The following PRELID2 variants were observed in gnomAD, a reference collection of about 807,000 sequenced individuals.
PRELID2 encodes PRELI domain containing 2.
Under a neutral mutation model 28.4 loss-of-function variants are expected in PRELID2, and 25 were observed. The ratio of observed to expected loss-of-function variants is 0.88; its 90% CI spans 0.64 to 1.23. PRELID2 has a LOEUF of 1.23. Among genes scored for constraint, PRELID2 ranks in the 50% most tolerant of loss-of-function variants. PRELID2 has a pLI of 0.00. For missense variants in PRELID2, 201 were observed against 214.4 expected (o/e 0.94, Z 0.39); for synonymous variants, 76 against 71.6 (o/e 1.06, Z -0.31).
At chr5:145,288,699 G>A in the PRELID2 span, among the ~76,000 whole-genome samples, 1 of 152,024 alleles carries the variant, frequency 6.6e-6, no homozygotes, top group Admixed American at 6.6e-5. Context: ...ACATATGAAT[G>A]TACACATATC....
intron 1 of PRELID2, among the ~76,000 whole-genome samples, chr5:145,556,857 A>G (rs1752883858): frequency 1.3e-5 from 2 of 152,064 alleles, no homozygotes; most frequent in South Asian, 4.1e-4. Context: ...CTGTCTCCCT[A>G]TATGCCTAGG....
chr5:145,727,232 G>A (rs1476432010), intron 1 of PRELID2, among the ~76,000 whole-genome samples: 1 of 152,184 alleles, frequency 6.6e-6, no homozygotes, highest in Non-Finnish European at 1.5e-5. Flanking sequence ...CAAGGAGCCA[G>A]CAAGTCTAGA....
the PRELID2 span, among the ~76,000 whole-genome samples, chr5:145,260,548 T>C: frequency 6.6e-6 from 1 of 152,336 alleles, no homozygotes; most frequent in East Asian, 1.9e-4. Context: ...TTTTTTGTTT[T>C]GAGGATTTTC....
chr5:145,815,698 A>G (rs1754254342), intron 4 of PRELID2, among the ~76,000 whole-genome samples: 1 of 152,224 alleles, frequency 6.6e-6, no homozygotes, highest in African/African-American at 2.4e-5. Flanking sequence ...TTCATTTAGC[A>G]TATTTTCAAA....
Position 145,756,767 on chromosome 5 carries a change from C to T in PRELID2, c.*3769G>A, listed in dbSNP as rs1757269042. Among the ~76,000 whole-genome samples, 1 of 152,136 alleles carries T rather than the reference C, an allele frequency of 6.6e-6. No individual in the cohort carries two copies. Among genetic ancestry groups the T allele is most frequent in the Admixed American group, 6.6e-5 (1 of 15,266 alleles). ...CATTCAAATCCTCTCTACTCTTATT[C>T]AACATATAGTATGCAGTTACACAAT... On this transcript the variant is annotated 3_prime_UTR_variant, in exon 7 of 7. Transcript: ENST00000683046.
chr5:145,665,978 CTTTTTTTTAAAAAAAAAAAAAAA>C (rs1754582255), intron 1 of PRELID2, among the ~76,000 whole-genome samples: 1 of 121,196 alleles, frequency 8.3e-6, no homozygotes. Context: ...GCAAACTTGT[CTTTTTTTTAAAAAAAAAAAAAAA>C]AGAAAGAAAG....
At chr5:145,259,336 C>G in the PRELID2 span, among the ~76,000 whole-genome samples, 1 of 152,114 alleles carries the variant, frequency 6.6e-6, no homozygotes, top group Admixed American at 6.5e-5. Flanking sequence ...GTGGTAGATT[C>G]ACTGACAGTT....
chr5:145,237,619 G>C, the PRELID2 span, among the ~76,000 whole-genome samples: 1 of 152,038 alleles, frequency 6.6e-6, no homozygotes, highest in African/African-American at 2.4e-5. Context: ...GCCTTTCAAA[G>C]AAAGAAATAT....
chr5:145,797,001 A>G (rs1359698562), intron 4 of PRELID2, among the ~76,000 whole-genome samples: 1 of 152,196 alleles, frequency 6.6e-6, no homozygotes, highest in African/African-American at 2.4e-5. Context: ...AAAGAGAGTC[A>G]GATAGAGACA....
chr5:145,617,731 CT>C (rs71581832), intron 1 of PRELID2, among the ~76,000 whole-genome samples: 7,284 of 140,306 alleles, frequency 0.052, 494 homozygotes, highest in African/African-American at 0.16. Context: ...TCTTTTCTTT[CT>C]TTTTTTTTTT....
rs1554100811 is a variant in PRELID2, at chr5:145,824,463, T to TGA, written c.76-1331_76-1330dup. On this transcript the variant is annotated intron_variant, in intron 1 of 6. Transcript: ENST00000683046. ...GTGTGTGTGTGTGTGTGTGTGTGTGTGATATTGATTTATTAATGGATTTTT... is the reference window on the plus strand; with the variant it reads ...GTGTGTGTGTGTGTGTGTGTGTGTGTGAGATATTGATTTATTAATGGATTTTT... Among the ~76,000 whole-genome samples the TGA allele has an allele frequency of 6.4e-3, 922 of 143,642 alleles. 13 individuals carry two copies. Among genetic ancestry groups the TGA allele is most frequent in the Non-Finnish European group, 0.01 (670 of 65,612 alleles). 94.2% of individuals were successfully genotyped at this position (143,642 alleles called of 152,430 possible).
the PRELID2 span, among the ~76,000 whole-genome samples, chr5:145,304,485 T>C: frequency 6.6e-6 from 1 of 152,218 alleles, no homozygotes; most frequent in Non-Finnish European, 1.5e-5. Context: ...ACACTTCATT[T>C]CTGTTTATCT....
the PRELID2 span, among the ~76,000 whole-genome samples, chr5:145,344,392 G>A: frequency 6.6e-6 from 1 of 151,822 alleles, no homozygotes; most frequent in African/African-American, 2.4e-5. Context: ...ACAGAATGAA[G>A]GACAAAAACC....
chr5:145,420,696 C>T, the PRELID2 span, among the ~76,000 whole-genome samples: 2,873 of 48,732 alleles, frequency 0.059, no homozygotes, highest in Middle Eastern at 0.081. Context: ...AATTTGACTT[C>T]CTCTTTTCCT....
At chr5:145,346,809 T>A in the PRELID2 span, among the ~76,000 whole-genome samples, 2 of 152,126 alleles carry the variant, frequency 1.3e-5, no homozygotes, top group Non-Finnish European at 2.9e-5. Flanking sequence ...GACTTGCACT[T>A]CCTATGTGTG....
chr5:145,758,671 T>C lies in PRELID2; in HGVS notation c.*1865A>G, dbSNP rs1360750901. On this transcript the variant is annotated 3_prime_UTR_variant, in exon 7 of 7. Transcript: ENST00000683046. ...ACTTCCACAATAATTTGCATCACCT[T>C]TTATTTTTTGAAATAGGCTATTACT... Among the ~76,000 whole-genome samples the C allele has an allele frequency of 1.3e-5, 2 of 152,196 alleles. No homozygotes were observed. Among genetic ancestry groups the C allele is most frequent in the Non-Finnish European group, 2.9e-5 (2 of 68,046 alleles).
chr5:145,493,928 A>C (rs1179174863), intron 1 of PRELID2, among the ~76,000 whole-genome samples: 1 of 152,214 alleles, frequency 6.6e-6, no homozygotes, highest in Non-Finnish European at 1.5e-5. Context: ...AGATGCTTTC[A>C]TTGGAGTGTA....
At chr5:145,387,736 C>G in the PRELID2 span, among the ~76,000 whole-genome samples, 2 of 151,746 alleles carry the variant, frequency 1.3e-5, no homozygotes, top group East Asian at 1.9e-4. Flanking sequence ...ATTTCAGACC[C>G]ACCTGAGCAA....
At position 145,758,412 on chromosome 5, in the gene PRELID2, C is replaced by T. The variant is rs184147623; in HGVS notation, c.*2124G>A. On this transcript the variant is annotated 3_prime_UTR_variant, in exon 7 of 7. Coordinates refer to ENST00000683046, the MANE Select transcript of PRELID2 (RefSeq NM_205846.3). ...AGTCACTGTAGTGTTCTTAGCTGCC[C>T]ACTGGAACTACCAAAGGAGTTTTTT... Among the ~76,000 whole-genome samples, 412 of 152,072 alleles carry T rather than the reference C, an allele frequency of 2.7e-3. 3 individuals carry two copies. The highest frequency in any genetic ancestry group is 9.1e-3 in the African/African-American group (379 of 41,470).
Sources: gnomAD v4.1 joint callset for allele counts (sites outside exome capture counted in the v4.1 genomes callset) on GRCh38, gnomAD v4.1.1 for gene constraint, MANE v1.5 for transcripts, NCBI Gene and HGNC (gene_info 2026-07-23, HGNC 2026-07-21) for gene names.